The following NLGN1 variants were observed in gnomAD, a reference collection of about 807,000 sequenced individuals.
NLGN1 encodes neuroligin 1.
In NLGN1, 12 loss-of-function variants were observed where a neutral mutation model predicts 65.5. The observed-to-expected ratio is 0.18, with a 90% CI of 0.12 to 0.30. NLGN1 has a LOEUF of 0.30. NLGN1 is among the 10% of genes least tolerant of loss of function. The pLI is 1.00. For missense variants in NLGN1, 750 were observed against 1,007.1 expected (o/e 0.74, Z 3.46); for synonymous variants, 350 against 359.5 (o/e 0.97, Z 0.30).
At chr3:174,106,993 C>G (rs1242208340) in intron 4 of NLGN1, among the ~76,000 whole-genome samples, 2 of 105,610 alleles carry the variant, frequency 1.9e-5, no homozygotes, top group African/African-American at 9.2e-5. Flanking sequence ...CACACACACA[C>G]ACACACACAC....
At chr3:174,087,689 G>T (rs73186516) in intron 4 of NLGN1, among the ~76,000 whole-genome samples, 22,684 of 151,874 alleles carry the variant, frequency 0.15, 2,004 homozygotes, top group African/African-American at 0.24. Context: ...CTATACCTGT[G>T]GTCACTACAA....
At chr3:173,846,395 T>C (rs1489726592) in intron 4 of NLGN1, among the ~76,000 whole-genome samples, 1 of 152,156 alleles carries the variant, frequency 6.6e-6, no homozygotes, top group African/African-American at 2.4e-5. Flanking sequence ...CTGAGGGACA[T>C]ACTCCCATGT....
At chr3:174,083,363 T>C (rs912484204) in intron 4 of NLGN1, among the ~76,000 whole-genome samples, 3 of 152,118 alleles carry the variant, frequency 2.0e-5, no homozygotes, top group Admixed American at 1.3e-4. Context: ...TAGGAACAGA[T>C]GTATTTATAT....
chr3:173,873,086 A>G (rs1209575830), intron 4 of NLGN1, among the ~76,000 whole-genome samples: 1 of 150,386 alleles, frequency 6.6e-6, no homozygotes, highest in Admixed American at 6.6e-5. Flanking sequence ...TGCATGTATG[A>G]TGGATTTTTT....
chr3:173,555,366 C>G (rs992662022), intron 2 of NLGN1, among the ~76,000 whole-genome samples: 8 of 152,142 alleles, frequency 5.3e-5, no homozygotes, highest in African/African-American at 1.9e-4. Context: ...TTATGTGGTT[C>G]CATCCATTTG....
chr3:173,533,693 A>G lies in NLGN1; in HGVS notation c.-320-70586A>G, dbSNP rs1055891082. On this transcript the variant is annotated intron_variant, in intron 2 of 6. Transcript: ENST00000457714. ...TAGAAGCAAGGTTGATCATGTAGAA[A>G]GGTCTTGGGGCCGGGCTCGGTGGCA... Among the ~76,000 whole-genome samples the G allele has an allele frequency of 2.6e-5, 4 of 152,234 alleles. No individual in the cohort carries two copies. The South Asian group carries it at 6.2e-4, about 24-fold the overall frequency.
chr3:174,227,563 A>G (rs1159747192), intron 4 of NLGN1, among the ~76,000 whole-genome samples: 1 of 152,102 alleles, frequency 6.6e-6, no homozygotes, highest in Admixed American at 6.6e-5. Flanking sequence ...ATTTACCAGG[A>G]AAGTTATATT....
intron 3 of NLGN1, chr3:173,695,638 A>G (rs1306466064): frequency 3.9e-6 from 1 of 255,340 alleles, no homozygotes; most frequent in African/African-American, 2.3e-5. Flanking sequence ...TATACTTTAA[A>G]AATCTTATAC....
At chr3:173,783,300 G>A (rs1781465132) in intron 3 of NLGN1, among the ~76,000 whole-genome samples, 1 of 152,198 alleles carries the variant, frequency 6.6e-6, no homozygotes, top group African/African-American at 2.4e-5. Context: ...GCAGCAAAAT[G>A]CTGTGAAAAC....
At chr3:173,727,140 T>C (rs1178558255) in intron 3 of NLGN1, among the ~76,000 whole-genome samples, 1 of 152,148 alleles carries the variant, frequency 6.6e-6, no homozygotes, top group African/African-American at 2.4e-5. Flanking sequence ...AGAAGTTTCA[T>C]AGCCACTGTT....
intron 4 of NLGN1, among the ~76,000 whole-genome samples, chr3:174,242,716 A>G (rs1384609147): frequency 6.6e-6 from 1 of 152,162 alleles, no homozygotes; most frequent in Non-Finnish European, 1.5e-5. Flanking sequence ...ATGGTGAATT[A>G]TATAATTATT....
intron 4 of NLGN1, among the ~76,000 whole-genome samples, chr3:174,054,398 A>G (rs1294306648): frequency 6.6e-6 from 1 of 152,058 alleles, no homozygotes; most frequent in Non-Finnish European, 1.5e-5. Context: ...AAAATCAATC[A>G]TTAACAAAGA....
intron 4 of NLGN1, among the ~76,000 whole-genome samples, chr3:173,958,049 G>A (rs1431004041): frequency 2.0e-5 from 3 of 152,214 alleles, no homozygotes; most frequent in Non-Finnish European, 4.4e-5. Context: ...GTTGGCACCA[G>A]AAGCTTGGAG....
chr3:174,179,949 C>T (rs913840762), intron 4 of NLGN1, among the ~76,000 whole-genome samples: 21 of 151,946 alleles, frequency 1.4e-4, no homozygotes, highest in Non-Finnish European at 1.6e-4. Context: ...AATGGTGCCC[C>T]GGATTTCGAG....
Position 173,485,665 on chromosome 3 carries a change from G to C in NLGN1, c.-321+50587G>C, listed in dbSNP as rs1290614348. Among the ~76,000 whole-genome samples, 3 of 152,210 alleles carry C rather than the reference G, an allele frequency of 2.0e-5. No individual in the cohort carries two copies. In the East Asian group the frequency reaches 5.8e-4, roughly 29 times the overall value. ...AAAGAATTCTTGTATGGTTTTGAAG[G>C]ACTTACTTTGAGGCATCTTTTAAAA... On this transcript the variant is annotated intron_variant, in intron 2 of 6. Transcript: ENST00000457714.
chr3:174,251,606 T>A (rs1262138277), intron 4 of NLGN1, among the ~76,000 whole-genome samples: 1 of 152,208 alleles, frequency 6.6e-6, no homozygotes. Flanking sequence ...TCTTTTGGCA[T>A]GGATAACAGG....
chr3:174,186,029 CA>C (rs1731340380), intron 4 of NLGN1, among the ~76,000 whole-genome samples: 1 of 151,878 alleles, frequency 6.6e-6, no homozygotes, highest in Admixed American at 6.6e-5. Context: ...ATAAATTTTA[CA>C]GGGAGAGTGA....
chr3:173,994,491 A>AAGAGAG (rs1553910109), intron 4 of NLGN1, among the ~76,000 whole-genome samples: 77 of 81,236 alleles, frequency 9.5e-4, no homozygotes, highest in African/African-American at 3.5e-3. Flanking sequence ...AAAAAAAAAA[A>AAGAGAG]AGAGAGAGAG....
intron 3 of NLGN1, among the ~76,000 whole-genome samples, chr3:173,807,095 C>T (rs534344733): frequency 3.3e-5 from 5 of 152,234 alleles, no homozygotes; most frequent in East Asian, 1.9e-4. Context: ...ACATGACTTT[C>T]GTGCCTAAAC....
Sources: gnomAD v4.1 joint callset for allele counts (sites outside exome capture counted in the v4.1 genomes callset) on GRCh38, gnomAD v4.1.1 for gene constraint, MANE v1.5 for transcripts, NCBI Gene and HGNC (gene_info 2026-07-23, HGNC 2026-07-21) for gene names.